The following RFXAP variants were observed in gnomAD, a reference collection of about 807,000 sequenced individuals.
The protein encoded by RFXAP is regulatory factor X associated protein.
In RFXAP, 21 loss-of-function variants were observed where a neutral mutation model predicts 25.7. The observed-to-expected ratio is 0.82, with a 90% CI of 0.58 to 1.18. RFXAP has a LOEUF of 1.18. RFXAP is among the 50% of genes most tolerant of loss of function. The pLI is 0.00. For missense variants in RFXAP, 333 were observed against 363.0 expected, an observed-to-expected ratio of 0.92 and a Z score of 0.67; for synonymous variants, 161 against 152.2, an observed-to-expected ratio of 1.06 and a Z score of -0.43.
At chr13:36,822,086 TTTTC>T (rs1477556885) in intron 1 of RFXAP, among the ~76,000 whole-genome samples, 3 of 151,702 alleles carry the variant, frequency 2.0e-5, no homozygotes, top group African/African-American at 7.3e-5. Flanking sequence ...ATAATACTTT[TTTTC>T]TTTCTTTTTT....
In RFXAP at chr13:36,827,732, G is replaced by A. The variant is rs779160566; in HGVS notation, c.798G>A (p.Gln266=). The A allele has an allele frequency of 3.1e-6, 5 of 1,613,650 alleles. No homozygotes were observed. The East Asian group carries it at 1.1e-4, about 36-fold the overall frequency. Residue 266 remains glutamine (Q), a synonymous_variant, in exon 3 of 3, where the codon CAG becomes CAA. Transcript: ENST00000255476. ...NQQVLEQRQQ[Q]FPGTSM ...AAGTTTTGGAGCAAAGACAACAGCA[G>A]TTTCCAGGAACATCAATGTGAGGGA...
intron 1 of RFXAP, 83 bp from the exon 2 acceptor site, chr13:36,825,345 G>T (rs1027607183): frequency 9.6e-7 from 1 of 1,046,492 alleles, no homozygotes; most frequent in South Asian, 1.3e-5. Context: ...GCAAAGACCT[G>T]TTCATTACAT....
At position 36,825,478 on chromosome 13, in the gene RFXAP, T is replaced by G; in HGVS notation, c.651T>G (p.Phe217Leu). 1 of 1,613,136 alleles carries G rather than the reference T, an allele frequency of 6.2e-7. No homozygotes were observed. Among genetic ancestry groups the G allele is most frequent in the Non-Finnish European group, 8.5e-7 (1 of 1,179,588 alleles). Residue 217 changes from phenylalanine (F) to leucine (L), a missense_variant, in exon 2 of 3, where the codon TTT (phenylalanine) becomes TTG (leucine). Physicochemically the swap from Phe to Leu is conservative, Grantham distance 22. Coordinates refer to ENST00000255476, the MANE Select transcript of RFXAP (RefSeq NM_000538.4). ...TTGTTAAACAAAGAACAGGATCTTT[T>G]GGGGATCGTCCTGCAAGACCTACTC... ...LSIVKQRTGS[F>L]GDRPARPTLL...
In RFXAP at chr13:36,828,004, T is replaced by C. The variant is rs1651801073; in HGVS notation, c.*251T>C. ...TAATTATAATGTTTTTTAAAAAATA[T>C]ATTCCTCTTCAGTCATTGTTACTGA... On this transcript the variant is annotated 3_prime_UTR_variant, in exon 3 of 3. Coordinates refer to ENST00000255476, the MANE Select transcript of RFXAP (RefSeq NM_000538.4). 1.1e-5 allele frequency: 5 copies of C among 441,014 alleles called. No homozygotes were observed. The highest frequency in any genetic ancestry group is 7.9e-5 in the Admixed American group (2 of 25,208). 27.3% of individuals were successfully genotyped at this position (441,014 alleles called of 1,614,324 possible).
At chr13:36,825,407 C>T (rs1177575180) in intron 1 of RFXAP, 21 bp from the exon 2 acceptor site, 2 of 1,529,902 alleles carry the variant, frequency 1.3e-6, no homozygotes, top group African/African-American at 2.7e-5. Context: ...TATCTATTTG[C>T]ATTTTTATCA....
At position 36,825,470 on chromosome 13, in the gene RFXAP, G is replaced by T; in HGVS notation, c.643G>T (p.Gly215Ter). 1 of 1,612,978 alleles carries T rather than the reference G, an allele frequency of 6.2e-7. No individual in the cohort carries two copies. Among genetic ancestry groups the T allele is most frequent in the Non-Finnish European group, 8.5e-7 (1 of 1,179,532 alleles). Residue 215 changes from glycine to a stop codon, truncating the protein, a stop_gained, in exon 2 of 3, where the codon GGA becomes TGA. Transcript: ENST00000255476. LOFTEE classifies it high-confidence loss of function. ...ACTCTCCATTGTTAAACAAAGAACA[G>T]GATCTTTTGGGGATCGTCCTGCAAG... Reference protein sequence around the residue: ...NILSIVKQRTGSFGDRPARPT... With the variant: ...NILSIVKQRT
In RFXAP at chr13:36,829,085, G is replaced by A. The variant is rs1330481829; in HGVS notation, c.*1332G>A. On this transcript the variant is annotated 3_prime_UTR_variant, in exon 3 of 3. Transcript: ENST00000255476. Reference sequence around the variant, plus strand: ...CTTTTAACAAAATTAATTCATTAAAGTCCAGTTGTTGACCTTTGAGTTAGC... The same window carrying A: ...CTTTTAACAAAATTAATTCATTAAAATCCAGTTGTTGACCTTTGAGTTAGC... 2 of 152,568 alleles carry A rather than the reference G, an allele frequency of 1.3e-5. No individual in the cohort carries two copies. 9.5% of individuals were successfully genotyped at this position (152,568 alleles called of 1,614,324 possible).
At position 36,819,816 on chromosome 13, in the gene RFXAP, G is replaced by A. The variant is rs112803942; in HGVS notation, c.459G>A (p.Val153=). 93 of 1,598,988 alleles carry A rather than the reference G, an allele frequency of 5.8e-5. No homozygotes were observed. The African/African-American group carries it at 8.2e-4, about 14-fold the overall frequency. ...GCTGCAGCGAGACCACGAGCCAGGT[G>A]GCCAAGCAGCGCAAACCGTGGATGT... ...YEGCSETTSQ[V]AKQRKPWMCK... is the part of the protein sequence containing the mutation. The change falls in exon 1 of 3, where the codon GTG becomes GTA. Residue 153 remains valine (V), a synonymous_variant. Transcript: ENST00000255476.
chr13:36,824,245 A>G (rs1295286066), intron 1 of RFXAP, among the ~76,000 whole-genome samples: 2 of 152,224 alleles, frequency 1.3e-5, no homozygotes, highest in African/African-American at 2.4e-5. Context: ...TATCTTGCAC[A>G]TAAAAATGAA....
rs1430880848 is a variant in RFXAP at position 36,819,687 on chromosome 13, T to C, written c.330T>C (p.Asp110=). ...GCGAGAGCGCGGCTAGTTTGGAGGA[T>C]CTAGAGGACGAGGAGACTCACTCGG... is the stretch of plus-strand genomic sequence containing the variant. ...GGGESAASLE[D]LEDEETHSGG... Residue 110 remains aspartate (D), a synonymous_variant, in exon 1 of 3, where the codon GAT becomes GAC. Coordinates refer to ENST00000255476, the MANE Select transcript of RFXAP (RefSeq NM_000538.4). 1.9e-6 allele frequency: 3 copies of C among 1,548,820 alleles called. No homozygotes were observed. The Admixed American group carries it at 5.9e-5, about 30-fold the overall frequency.
At chr13:36,820,661 GA>G (rs1226532059) in intron 1 of RFXAP, among the ~76,000 whole-genome samples, 11 of 152,074 alleles carry the variant, frequency 7.2e-5, no homozygotes, top group East Asian at 5.8e-4. Context: ...CCTGAGGGGG[GA>G]AAAAAAGGAT....
In RFXAP at chr13:36,819,426, C is replaced by T. The variant is rs946323930; in HGVS notation, c.69C>T (p.Ala23=). ...GAASGVPHPA[A]LAPAAAPTLA... ...CCAGCGGCGTGCCCCACCCCGCGGC[C>T]CTAGCCCCGGCTGCGGCTCCCACCT... is the stretch of plus-strand genomic sequence containing the variant. The change falls in exon 1 of 3, where the codon GCC becomes GCT. Residue 23 remains alanine (A), a synonymous_variant. Coordinates refer to ENST00000255476, the MANE Select transcript of RFXAP (RefSeq NM_000538.4). 1.4e-6 allele frequency: 2 copies of T among 1,433,692 alleles called. No individual in the cohort carries two copies. The highest frequency in any genetic ancestry group is 1.8e-6 in the Non-Finnish European group (2 of 1,095,600). The allele number at this position is 1,433,692 out of a possible 1,614,324, so 88.8% of individuals were successfully genotyped here.
At position 36,819,525 on chromosome 13, in the gene RFXAP, C is replaced by T. The variant is rs1476637377; in HGVS notation, c.168C>T (p.Asp56=). The change falls in exon 1 of 3, where the codon GAC becomes GAT. Residue 56 remains aspartate (D), a synonymous_variant. Coordinates refer to ENST00000255476, the MANE Select transcript of RFXAP (RefSeq NM_000538.4). Reference sequence around the variant, plus strand: ...TGATGCAACCCTGTGCTGGGCAGGACGAGGCTGCGGCCCCCGGGGGCAGCG... The same window carrying T: ...TGATGCAACCCTGTGCTGGGCAGGATGAGGCTGCGGCCCCCGGGGGCAGCG... ...LLVMQPCAGQ[D]EAAAPGGSVG... 1 of 1,531,446 alleles carries T rather than the reference C, an allele frequency of 6.5e-7. No individual in the cohort carries two copies. The highest frequency in any genetic ancestry group is 8.8e-7 in the Non-Finnish European group (1 of 1,137,342). 94.9% of individuals were successfully genotyped at this position (1,531,446 alleles called of 1,614,324 possible). A position where few individuals can be genotyped will look rare whatever the true frequency, so the allele number is the denominator to read the frequency against.
At chr13:36,825,596 C>T in intron 2 of RFXAP, 61 bp downstream of exon 2, 1 of 1,252,932 alleles carries the variant, frequency 8.0e-7, no homozygotes, top group South Asian at 1.2e-5. Flanking sequence ...ATAAATGGAA[C>T]AATTGAGATT....
At chr13:36,826,008 C>CA (rs1210188219) in intron 2 of RFXAP, among the ~76,000 whole-genome samples, 1 of 152,004 alleles carries the variant, frequency 6.6e-6, no homozygotes, top group South Asian at 2.1e-4. Flanking sequence ...ACCCCATCTA[C>CA]AAAAAAATTT....
At chr13:36,820,480 G>A (rs1369276329) in intron 1 of RFXAP, among the ~76,000 whole-genome samples, 1 of 151,986 alleles carries the variant, frequency 6.6e-6, no homozygotes, top group Non-Finnish European at 1.5e-5. Flanking sequence ...ATACTCAGTT[G>A]CCTGTCTGTA....
At position 36,819,507 on chromosome 13, in the gene RFXAP, A is replaced by T. The variant is rs761195790; in HGVS notation, c.150A>T (p.Gln50His). The change falls in exon 1 of 3, where the codon CAA (glutamine) becomes CAT (histidine). Residue 50 changes from glutamine (Q) to histidine (H), a missense_variant. Gln to His is a conservative substitution (Grantham distance 24). Coordinates refer to ENST00000255476, the MANE Select transcript of RFXAP (RefSeq NM_000538.4). ...AASQFTLLVMQPCAGQDEAAA... is the reference protein window; with the variant it reads ...AASQFTLLVMHPCAGQDEAAA... ...CTCAATTCACCCTGCTAGTGATGCA[A>T]CCCTGTGCTGGGCAGGACGAGGCTG... The T allele has an allele frequency of 3.2e-5, 49 of 1,552,248 alleles. No homozygotes were observed. Among genetic ancestry groups the T allele is most frequent in the East Asian group, 1.2e-4 (5 of 41,884 alleles).
intron 1 of RFXAP, among the ~76,000 whole-genome samples, chr13:36,824,237 T>G (rs2057971487): frequency 6.6e-6 from 1 of 152,194 alleles, no homozygotes; most frequent in East Asian, 1.9e-4. Context: ...CATTCCATTA[T>G]CTTGCACATA....
chr13:36,821,738 T>C (rs1036050873), intron 1 of RFXAP, among the ~76,000 whole-genome samples: 2 of 152,184 alleles, frequency 1.3e-5, no homozygotes, highest in Non-Finnish European at 2.9e-5. Flanking sequence ...TCACACTGGT[T>C]AGGACTGAGT....
Sources: gnomAD v4.1 joint callset for allele counts (sites outside exome capture counted in the v4.1 genomes callset) on GRCh38, gnomAD v4.1.1 for gene constraint, MANE v1.5 for transcripts, NCBI Gene and HGNC (gene_info 2026-07-23, HGNC 2026-07-21) for gene names.